CNTN4: variants seen among roughly 807,000 people sequenced by gnomAD.
CNTN4 encodes contactin 4.
In CNTN4, 77 loss-of-function variants were observed where a neutral mutation model predicts 122.5. The observed-to-expected ratio is 0.63, with a 90% CI of 0.52 to 0.76. The LOEUF is 0.76. Ranked by LOEUF, CNTN4 falls within the 30% of genes least tolerant of loss-of-function variation. The pLI, the probability that CNTN4 is intolerant of heterozygous loss-of-function variation, is 0.00. For synonymous variants in CNTN4, 512 were observed against 447.0 expected (o/e 1.15, Z -1.83); for missense variants, 1,256 against 1,259.1 (o/e 1.00, Z 0.04).
intron 2 of CNTN4, among the ~76,000 whole-genome samples, chr3:2,109,063 C>A (rs574710260): frequency 6.6e-6 from 1 of 152,168 alleles, no homozygotes; most frequent in Non-Finnish European, 1.5e-5. Context: ...ATTACTTGGT[C>A]TTTGAAACTT....
At chr3:2,196,413 C>A (rs2037834151) in intron 2 of CNTN4, among the ~76,000 whole-genome samples, 1 of 152,108 alleles carries the variant, frequency 6.6e-6, no homozygotes, top group African/African-American at 2.4e-5. Context: ...TTCTTTTATT[C>A]ATTGGTTGGT....
At chr3:2,612,173 G>A (rs1373480156) in intron 4 of CNTN4, among the ~76,000 whole-genome samples, 1 of 151,262 alleles carries the variant, frequency 6.6e-6, no homozygotes, top group Non-Finnish European at 1.5e-5. Context: ...TTACAATAGG[G>A]TTACATCCCG....
At chr3:2,688,939 T>TA (rs1392889276) in intron 4 of CNTN4, among the ~76,000 whole-genome samples, 1 of 152,146 alleles carries the variant, frequency 6.6e-6, no homozygotes, top group Non-Finnish European at 1.5e-5. Context: ...GATGAGGAGA[T>TA]ACGTCCTTAC....
At chr3:2,579,747 T>A (rs1435759310) in intron 4 of CNTN4, among the ~76,000 whole-genome samples, 1 of 152,206 alleles carries the variant, frequency 6.6e-6, no homozygotes, top group Non-Finnish European at 1.5e-5. Context: ...AACTAAGCTA[T>A]TTAATATATA....
intron 3 of CNTN4, among the ~76,000 whole-genome samples, chr3:2,531,403 G>A (rs539002094): frequency 9.2e-5 from 14 of 152,258 alleles, no homozygotes; most frequent in Non-Finnish European, 7.4e-5. Context: ...AGAGAAGTTT[G>A]GAGGAACAAA....
chr3:2,275,460 A>G (rs187804668), intron 2 of CNTN4, among the ~76,000 whole-genome samples: 6 of 152,260 alleles, frequency 3.9e-5, no homozygotes, highest in South Asian at 2.1e-4. Context: ...TACACTTTCT[A>G]TTCTCTGACT....
chr3:2,525,058 G>A (rs565519194), intron 3 of CNTN4, among the ~76,000 whole-genome samples: 3 of 152,172 alleles, frequency 2.0e-5, no homozygotes, highest in African/African-American at 7.2e-5. Context: ...ATCCAAGTTG[G>A]AATTAGATCT....
At chr3:2,204,372 C>T (rs558294705) in intron 2 of CNTN4, among the ~76,000 whole-genome samples, 4 of 152,222 alleles carry the variant, frequency 2.6e-5, no homozygotes, top group South Asian at 2.1e-4. Flanking sequence ...TATGTAACTA[C>T]GCAGAAAAAT....
intron 2 of CNTN4, among the ~76,000 whole-genome samples, chr3:2,130,931 A>G (rs574278488): frequency 6.6e-5 from 10 of 152,320 alleles, no homozygotes; most frequent in Admixed American, 1.3e-4. Flanking sequence ...GATAAAGATC[A>G]TAAAGAGCAT....
At chr3:3,017,611 G>A (rs1697877047) in intron 14 of CNTN4, among the ~76,000 whole-genome samples, 1 of 152,138 alleles carries the variant, frequency 6.6e-6, no homozygotes, top group Admixed American at 6.5e-5. Context: ...GGGCAGCAAG[G>A]CCACCCCCCA....
chr3:2,916,898 G>A (rs2094366872), intron 12 of CNTN4, among the ~76,000 whole-genome samples: 1 of 150,650 alleles, frequency 6.6e-6, no homozygotes, highest in Admixed American at 6.6e-5. Context: ...CCTAGACGGG[G>A]TGGCGGCCGG....
At chr3:3,023,236 G>A (rs1698447308) in intron 14 of CNTN4, among the ~76,000 whole-genome samples, 1 of 152,126 alleles carries the variant, frequency 6.6e-6, no homozygotes, top group South Asian at 2.1e-4. Context: ...TTGTCCCTAG[G>A]AGACCTCTCT....
At chr3:2,417,283 A>G (rs1187460947) in intron 3 of CNTN4, among the ~76,000 whole-genome samples, 1 of 152,216 alleles carries the variant, frequency 6.6e-6, no homozygotes, top group Admixed American at 6.5e-5. Context: ...TTGGTGAAAA[A>G]TTCTAGACCA....
intron 2 of CNTN4, among the ~76,000 whole-genome samples, chr3:2,191,206 C>T (rs940992042): frequency 3.3e-5 from 5 of 151,772 alleles, no homozygotes; most frequent in African/African-American, 4.8e-5. Context: ...GTAGCTGTGA[C>T]TACAGGCACG....
intron 13 of CNTN4, among the ~76,000 whole-genome samples, chr3:2,960,559 T>G (rs1294290079): frequency 6.6e-6 from 1 of 152,112 alleles, no homozygotes; most frequent in Non-Finnish European, 1.5e-5. Context: ...AATAATGACT[T>G]AGTTAGTATT....
At chr3:2,783,118 ATTT>A (rs5846222) in intron 6 of CNTN4, among the ~76,000 whole-genome samples, 2 of 145,744 alleles carry the variant, frequency 1.4e-5, no homozygotes, top group Non-Finnish European at 3.0e-5. Flanking sequence ...CTCTCTACTA[ATTT>A]TTTTTTTTTT....
intron 13 of CNTN4, among the ~76,000 whole-genome samples, chr3:2,928,674 T>C (rs2094494561): frequency 6.6e-6 from 1 of 152,190 alleles, no homozygotes; most frequent in African/African-American, 2.4e-5. Context: ...CATAACACAG[T>C]GAAACAACAC....
intron 17 of CNTN4, 119 bp from the exon 18 acceptor site, chr3:3,037,060 A>G: frequency 8.5e-7 from 1 of 1,178,228 alleles, no homozygotes; most frequent in Non-Finnish European, 1.3e-6. Context: ...CAGAACACCT[A>G]CACTGCCCTG....
In CNTN4 at chr3:2,748,280, T is replaced by C. The variant is rs368529339; in HGVS notation, c.358+2583T>C. Among the ~76,000 whole-genome samples the C allele has an allele frequency of 5.9e-5, 9 of 152,366 alleles. No individual in the cohort carries two copies. In the East Asian group the frequency reaches 1.4e-3, roughly 23 times the overall value. On this transcript the variant is annotated intron_variant, in intron 6 of 24. Coordinates refer to ENST00000418658, the MANE Select transcript of CNTN4 (RefSeq NM_175607.3). Reference sequence around the variant, plus strand: ...ATGTAAAATCTGAGAAAGTATTTCTTATAAATTCCTATTCATCCAGTGCTA... The same window carrying C: ...ATGTAAAATCTGAGAAAGTATTTCTCATAAATTCCTATTCATCCAGTGCTA...
Sources: allele counts gnomAD v4.1 joint callset (sites outside exome capture counted in the v4.1 genomes callset), GRCh38; gene constraint gnomAD v4.1.1; transcripts MANE v1.5; gene names NCBI Gene and HGNC (gene_info 2026-07-23, HGNC 2026-07-21).